Variants in HSPD1 observed in about 807,000 individuals in gnomAD.
The protein encoded by HSPD1 is 60 kDa heat shock protein, mitochondrial.
A neutral mutation model predicts 53.0 loss-of-function variants in HSPD1; 3 were observed. The observed-to-expected ratio is 0.06, with a 90% CI of 0.03 to 0.15. The LOEUF (loss-of-function observed/expected upper bound fraction) is 0.15, where lower values mean the gene tolerates loss of function less well. Ranked by LOEUF, HSPD1 falls within the 10% of genes least tolerant of loss-of-function variation. HSPD1 has a pLI of 1.00. For missense variants in HSPD1, 431 were observed against 694.1 expected, an observed-to-expected ratio of 0.62 and a Z score of 4.26; for synonymous variants, 200 against 228.0, an observed-to-expected ratio of 0.88 and a Z score of 1.10.
At chr2:197,490,104 G>A in intron 8 of HSPD1, 93 bp downstream of exon 8, 1 of 948,126 alleles carries the variant, frequency 1.1e-6, no homozygotes, top group Non-Finnish European at 1.7e-6. Context: ...GAAACAGATA[G>A]TTGTAGTATC....
chr2:197,496,050 A>C (rs1171783394), intron 3 of HSPD1, among the ~76,000 whole-genome samples: 1 of 152,008 alleles, frequency 6.6e-6, no homozygotes, highest in Non-Finnish European at 1.5e-5. Context: ...AATGGCTAAC[A>C]CTCCCTTATT....
intron 7 of HSPD1, among the ~76,000 whole-genome samples, chr2:197,492,277 G>A (rs779315227): frequency 2.0e-5 from 3 of 152,152 alleles, no homozygotes; most frequent in Non-Finnish European, 2.9e-5. Flanking sequence ...TGCAACTTCC[G>A]CCTCCCAGAT....
chr2:197,487,932 A>T lies in HSPD1; in HGVS notation c.1495T>A (p.Ser499Thr). The T allele has an allele frequency of 6.2e-7, 1 of 1,613,748 alleles. No individual in the cohort carries two copies. Among genetic ancestry groups the T allele is most frequent in the African/African-American group, 1.3e-5 (1 of 75,044 alleles). Residue 499 changes from serine (S) to threonine (T), a missense_variant, in exon 11 of 12, where the codon TCA (serine) becomes ACA (threonine). Ser to Thr is a moderately conservative substitution (Grantham distance 58). Transcript: ENST00000388968. ...GCCATAGCATCATAACCAACTTCTG[A>T]GGAACTTTGCATAATTTTCTCAACT... is the stretch of plus-strand genomic sequence containing the variant. ...LIVEKIMQSS[S>T]EVGYDAMAGD...
upstream of HSPD1, chr2:197,500,170 C>G (rs1293069177): frequency 1.8e-6 from 1 of 554,050 alleles, no homozygotes; most frequent in Non-Finnish European, 3.2e-6. Context: ...CTCGGCTGGG[C>G]GCCTAGAAAA....
At chr2:197,499,086 C>A (rs959389358) in intron 1 of HSPD1, 1 of 579,122 alleles carries the variant, frequency 1.7e-6, no homozygotes, top group Non-Finnish European at 3.1e-6. Context: ...AAAGCACATG[C>A]GGCTCCTTCC....
chr2:197,494,781 T>TAA (rs1401459670), intron 4 of HSPD1, 29 bp from the exon 5 acceptor site: 1 of 1,470,786 alleles, frequency 6.8e-7, no homozygotes, highest in Non-Finnish European at 9.5e-7. Flanking sequence ...TCTTCGAAAT[T>TAA]AAAAGGTAAG....
intron 9 of HSPD1, 152 bp from the exon 10 acceptor site, chr2:197,488,643 T>C (rs1192850866): frequency 5.1e-6 from 4 of 783,702 alleles, no homozygotes; most frequent in East Asian, 5.0e-5. Flanking sequence ...CTGAGGTGAG[T>C]GGATCACTTG....
chr2:197,499,135 C>G, intron 1 of HSPD1: 2 of 503,370 alleles, frequency 4.0e-6, no homozygotes, highest in South Asian at 4.2e-5. Context: ...ACGAGTTAAT[C>G]TTTCACCGCG....
In HSPD1 at chr2:197,495,061, A is replaced by G. The variant is rs117203087; in HGVS notation, c.510+233T>C. ...AATGGCTAAGAACATTTTCACAATCATATGAATCCATTTTACAGCCATGTA... is the reference window on the plus strand; with the variant it reads ...AATGGCTAAGAACATTTTCACAATCGTATGAATCCATTTTACAGCCATGTA... On this transcript the variant is annotated intron_variant, in intron 4 of 11. Transcript: ENST00000388968. The G allele has an allele frequency of 2.8e-3, 1,668 of 602,418 alleles. 63 individuals are homozygous for G. The East Asian group carries it at 0.046, about 17-fold the overall frequency. 37.3% of individuals were successfully genotyped at this position (602,418 alleles called of 1,614,324 possible).
intron 3 of HSPD1, among the ~76,000 whole-genome samples, chr2:197,495,756 C>A (rs928600886): frequency 1.3e-5 from 2 of 152,020 alleles, no homozygotes; most frequent in African/African-American, 4.8e-5. Context: ...TATGCTTGGT[C>A]TTTAGTGCCT....
intron 2 of HSPD1, 104 bp from the exon 3 acceptor site, chr2:197,497,496 G>GT (rs964593711): frequency 2.6e-6 from 3 of 1,164,902 alleles, no homozygotes; most frequent in East Asian, 4.7e-5. Context: ...AAGTCTCAAC[G>GT]TAAGTTGTGT....
At chr2:197,492,420 T>A (rs974265792) in intron 7 of HSPD1, among the ~76,000 whole-genome samples, 5 of 151,948 alleles carry the variant, frequency 3.3e-5, no homozygotes, top group Non-Finnish European at 7.4e-5. Flanking sequence ...GAACTCCTGA[T>A]CTCAGGTGAT....
At position 197,497,117 on chromosome 2, in the gene HSPD1, G is replaced by T. The variant is rs202048753; in HGVS notation, c.427+23C>A. On this transcript the variant is annotated intron_variant, in intron 3 of 11. Coordinates refer to ENST00000388968, the MANE Select transcript of HSPD1 (RefSeq NM_002156.5). Reference sequence around the variant, plus strand: ...AAAGCACACTGAAGTTTAGAACACTGTGGTGACAACAGACATTCCTACCTC... The same window carrying T: ...AAAGCACACTGAAGTTTAGAACACTTTGGTGACAACAGACATTCCTACCTC... 9.6e-5 allele frequency: 155 copies of T among 1,612,034 alleles called. 1 individual carries two copies. The highest frequency in any genetic ancestry group is 1.6e-4 in the Middle Eastern group (1 of 6,084).
At chr2:197,495,837 A>T (rs943242616) in intron 3 of HSPD1, among the ~76,000 whole-genome samples, 1 of 152,228 alleles carries the variant, frequency 6.6e-6, no homozygotes, top group Admixed American at 6.5e-5. Context: ...GCATGTACTT[A>T]AACAGTAACT....
rs1166152001 is a variant in HSPD1 at position 197,493,311 on chromosome 2, C to G, written c.869+13G>C. 5 of 1,605,314 alleles carry G rather than the reference C, an allele frequency of 3.1e-6. No homozygotes were observed. The highest frequency in any genetic ancestry group is 4.3e-6 in the Non-Finnish European group (5 of 1,172,688). ...CCGAGAAATATAAATCAACAAATACCACTGCTTATTACCTATTCAAGACGA... is the reference window on the plus strand; with the variant it reads ...CCGAGAAATATAAATCAACAAATACGACTGCTTATTACCTATTCAAGACGA... On this transcript the variant is annotated intron_variant, in intron 7 of 11. Coordinates refer to ENST00000388968, the MANE Select transcript of HSPD1 (RefSeq NM_002156.5).
intron 3 of HSPD1, chr2:197,496,858 C>A (rs923062146): frequency 4.6e-6 from 2 of 433,068 alleles, no homozygotes; most frequent in Non-Finnish European, 8.6e-6. Flanking sequence ...ATTGCTTGAG[C>A]CCAGGAGTTC....
intron 2 of HSPD1, among the ~76,000 whole-genome samples, chr2:197,498,099 G>A (rs1034252094): frequency 6.6e-6 from 1 of 152,148 alleles, no homozygotes; most frequent in South Asian, 2.1e-4. Context: ...AGCATCTTGG[G>A]GTGGAGGAGA....
chr2:197,494,333 C>G, intron 5 of HSPD1, 83 bp from the exon 6 acceptor site: 1 of 788,102 alleles, frequency 1.3e-6, no homozygotes, highest in South Asian at 1.4e-5. Flanking sequence ...AAAAACAGAC[C>G]CCTCTGGCCA....
At chr2:197,488,551 G>A in intron 9 of HSPD1, 60 bp from the exon 10 acceptor site, 1 of 1,480,878 alleles carries the variant, frequency 6.8e-7, no homozygotes, top group Non-Finnish European at 9.4e-7. Flanking sequence ...TAATTGCCAA[G>A]TCATTTAAAA....
Sources: allele counts gnomAD v4.1 joint callset (sites outside exome capture counted in the v4.1 genomes callset), GRCh38; gene constraint gnomAD v4.1.1; transcripts MANE v1.5; gene names NCBI Gene and HGNC (gene_info 2026-07-23, HGNC 2026-07-21).